The following DDX59 variants were observed in gnomAD, a reference collection of about 807,000 sequenced individuals.
The protein encoded by DDX59 is probable ATP-dependent RNA helicase DDX59.
DDX59 carries 30 observed loss-of-function variants against 51.9 expected under a neutral mutation model. The ratio of observed to expected loss-of-function variants is 0.58; its 90% CI spans 0.43 to 0.78. DDX59 has a LOEUF of 0.78. Among genes scored for constraint, DDX59 ranks in the 30% least tolerant of loss-of-function variants. The pLI, the probability that DDX59 is intolerant of heterozygous loss-of-function variation, is 0.00. For missense variants in DDX59, 672 were observed against 730.8 expected (o/e 0.92, Z 0.93); for synonymous variants, 255 against 253.3 (o/e 1.01, Z -0.06).
intron 7 of DDX59, among the ~76,000 whole-genome samples, chr1:200,644,723 T>C (rs1661185891): frequency 1.3e-5 from 2 of 152,130 alleles, no homozygotes; most frequent in Non-Finnish European, 2.9e-5. Context: ...GGCAAAATCC[T>C]GTCTCTACTA....
In DDX59 at chr1:200,666,267, T is replaced by C; in HGVS notation, c.474A>G (p.Pro158=). 6.2e-7 allele frequency: 1 copy of C among 1,614,238 alleles called. No individual in the cohort carries two copies. The highest frequency in any genetic ancestry group is 2.2e-5 in the East Asian group (1 of 44,890). Residue 158 remains proline (P), a synonymous_variant, in exon 2 of 8, where the codon CCA becomes CCG. Transcript: ENST00000331314. ...CATAGGAAGCATTCAGTGGAGACTC[T>C]GGCTCAGAATCAGCCTTCTGTGGAT... ...LSNPQKADSE[P]ESPLNASYVY...
At chr1:200,661,776 T>C (rs538366061) in intron 3 of DDX59, among the ~76,000 whole-genome samples, 32 of 152,362 alleles carry the variant, frequency 2.1e-4, no homozygotes, top group African/African-American at 7.5e-4. Context: ...TATTAATTCC[T>C]GATGTAATCT....
In DDX59 at chr1:200,665,886, C is replaced by A. The variant is rs1481354780; in HGVS notation, c.804+51G>T. 2.7e-6 allele frequency: 4 copies of A among 1,503,708 alleles called. No individual in the cohort carries two copies. In the South Asian group the frequency reaches 4.2e-5, roughly 16 times the overall value. The allele number at this position is 1,503,708 out of a possible 1,614,324, so 93.1% of individuals were successfully genotyped here. ...AGTTAAAAATGAAACTTGGTAAATA[C>A]CTCACTTGTTTCCAAGAATAATACA... On this transcript the variant is annotated intron_variant, in intron 2 of 7. Coordinates refer to ENST00000331314, the MANE Select transcript of DDX59 (RefSeq NM_001031725.6).
chr1:200,656,870 A>G (rs961171885), intron 4 of DDX59, among the ~76,000 whole-genome samples: 1 of 152,200 alleles, frequency 6.6e-6, no homozygotes, highest in Non-Finnish European at 1.5e-5. Context: ...CCTGGGCAAC[A>G]TAGCAAGACC....
downstream of DDX59, chr1:200,641,041 T>A: frequency 3.9e-6 from 2 of 515,728 alleles, no homozygotes; most frequent in East Asian, 7.0e-5. Context: ...TCATTGTAAG[T>A]ATGCCTTGGC....
At chr1:200,648,229 T>C (rs75052054) in intron 7 of DDX59, among the ~76,000 whole-genome samples, 1 of 152,074 alleles carries the variant, frequency 6.6e-6, no homozygotes, top group Non-Finnish European at 1.5e-5. Context: ...GTTTTTGCCA[T>C]GTTGGCCAGG....
intron 4 of DDX59, among the ~76,000 whole-genome samples, chr1:200,652,250 T>C (rs534942952): frequency 3.9e-5 from 6 of 152,162 alleles, no homozygotes; most frequent in Non-Finnish European, 7.4e-5. Context: ...ACTCCTGGGC[T>C]CAAGAGATCC....
chr1:200,655,359 G>C (rs557076794), intron 4 of DDX59, among the ~76,000 whole-genome samples: 2 of 136,626 alleles, frequency 1.5e-5, no homozygotes, highest in South Asian at 4.7e-4. Flanking sequence ...CCTCCACCGT[G>C]TGACCCCTTA....
chr1:200,662,571 G>A (rs1018278849), intron 3 of DDX59, among the ~76,000 whole-genome samples: 2 of 152,140 alleles, frequency 1.3e-5, no homozygotes, highest in Non-Finnish European at 2.9e-5. Flanking sequence ...CAGAAGAATC[G>A]CTTGAACCTG....
downstream of DDX59, chr1:200,641,254 C>T (rs1393708765): frequency 3.2e-5 from 42 of 1,301,386 alleles, no homozygotes; most frequent in Non-Finnish European, 4.2e-5. Context: ...AAATAATATT[C>T]AGCTGCCAGA....
chr1:200,649,293 G>A, intron 5 of DDX59, 67 bp from the exon 6 acceptor site: 1 of 1,390,052 alleles, frequency 7.2e-7, no homozygotes, highest in Non-Finnish European at 9.7e-7. Context: ...AAGTTTTTCT[G>A]AAAGATTATC....
chr1:200,651,864 C>T (rs575675862), intron 4 of DDX59, among the ~76,000 whole-genome samples: 2 of 151,942 alleles, frequency 1.3e-5, no homozygotes, highest in South Asian at 2.1e-4. Flanking sequence ...AAAAATTAGC[C>T]GGGCATGGTG....
At chr1:200,646,087 C>T (rs1465902636) in intron 7 of DDX59, among the ~76,000 whole-genome samples, 1 of 152,184 alleles carries the variant, frequency 6.6e-6, no homozygotes, top group Non-Finnish European at 1.5e-5. Flanking sequence ...ATAATCCCAG[C>T]ATTTTGAGAG....
rs1661168177 is a variant in DDX59 at position 200,644,454 on chromosome 1, T to C, written c.1660A>G (p.Lys554Glu). The change falls in exon 8 of 8, where the codon AAA becomes GAA. Residue 554 changes from lysine to glutamate, a missense_variant. Physicochemically the swap from Lys to Glu is moderately conservative, Grantham distance 56. Coordinates refer to ENST00000331314, the MANE Select transcript of DDX59 (RefSeq NM_001031725.6). ...TTTGCAATATCCCAGAAGAGTCTTT[T>C]TGAATTATTATTGATGAAAGTAATC... Reference protein sequence around the residue: ...TAITFINNNSKRLFWDIAKRV... With the variant: ...TAITFINNNSERLFWDIAKRV... 6.2e-7 allele frequency: 1 copy of C among 1,609,978 alleles called. No homozygotes were observed.
intron 7 of DDX59, among the ~76,000 whole-genome samples, chr1:200,645,286 C>CTTT (rs57257315): frequency 6.7e-6 from 1 of 149,368 alleles, no homozygotes; most frequent in South Asian, 2.1e-4. Flanking sequence ...AGTTATTTGT[C>CTTT]TTTTTTTTTT....
intron 1 of DDX59, among the ~76,000 whole-genome samples, chr1:200,667,529 A>G (rs912190575): frequency 6.6e-6 from 1 of 152,234 alleles, no homozygotes; most frequent in Non-Finnish European, 1.5e-5. Flanking sequence ...GTAACACTGC[A>G]CACTGCTCAA....
intron 7 of DDX59, among the ~76,000 whole-genome samples, chr1:200,645,331 C>T (rs940963710): frequency 2.0e-5 from 3 of 151,876 alleles, no homozygotes; most frequent in Admixed American, 6.6e-5. Context: ...CAGGCTGGAG[C>T]GCAATGGTGC....
At chr1:200,663,860 A>G (rs896763368) in intron 3 of DDX59, 59 bp downstream of exon 3, 9 of 1,384,362 alleles carry the variant, frequency 6.5e-6, no homozygotes, top group Non-Finnish European at 8.5e-6. Flanking sequence ...GAAAAAAAAC[A>G]CTAGTTCCTG....
At chr1:200,649,722 C>A (rs1661532771) in intron 5 of DDX59, among the ~76,000 whole-genome samples, 2 of 151,908 alleles carry the variant, frequency 1.3e-5, no homozygotes. Context: ...AGAAGCCAGT[C>A]TATTGCCCCT....
Sources: allele counts gnomAD v4.1 joint callset (sites outside exome capture counted in the v4.1 genomes callset), GRCh38; gene constraint gnomAD v4.1.1; transcripts MANE v1.5; gene names NCBI Gene and HGNC (gene_info 2026-07-23, HGNC 2026-07-21).